ANAPC10: variants seen among roughly 807,000 people sequenced by gnomAD.
ANAPC10 encodes anaphase promoting complex subunit 10.
A neutral mutation model predicts 22.0 loss-of-function variants in ANAPC10; 12 were observed. The observed-to-expected ratio is 0.55, with a 90% CI of 0.35 to 0.88. The LOEUF is 0.88. Ranked by LOEUF, ANAPC10 falls within the 40% of genes least tolerant of loss-of-function variation. The probability of loss-of-function intolerance (pLI) is 0.01; values close to 1 mark genes in which losing one functional copy is unlikely to be tolerated. For synonymous variants in ANAPC10, 65 were observed against 69.5 expected (o/e 0.94, Z 0.32); for missense variants, 188 against 220.9 (o/e 0.85, Z 0.94).
intron 3 of ANAPC10, among the ~76,000 whole-genome samples, chr4:145,068,512 T>C (rs1234843904): frequency 6.6e-6 from 1 of 152,250 alleles, no homozygotes; most frequent in East Asian, 1.9e-4. Context: ...GCTAGATATA[T>C]TACCAGGAGG....
intron 4 of ANAPC10, among the ~76,000 whole-genome samples, chr4:145,048,067 G>A (rs1157291468): frequency 6.6e-6 from 1 of 152,118 alleles, no homozygotes; most frequent in Non-Finnish European, 1.5e-5. Context: ...GCTTATATCA[G>A]AAAGTAGGCT....
chr4:145,054,486 A>G (rs1253984306), intron 4 of ANAPC10, among the ~76,000 whole-genome samples: 12 of 149,276 alleles, frequency 8.0e-5, no homozygotes, highest in Non-Finnish European at 1.5e-4. Flanking sequence ...TGAACCCAGG[A>G]GGCAGAGCTT....
chr4:145,010,367 C>T lies in ANAPC10; in HGVS notation c.328-14764G>A, dbSNP rs143789228. Among the ~76,000 whole-genome samples the T allele has an allele frequency of 3.1e-3, 467 of 151,752 alleles. 4 individuals are homozygous for T. Among genetic ancestry groups the T allele is most frequent in the African/African-American group, 9.7e-3 (402 of 41,368 alleles). On this transcript the variant is annotated intron_variant, in intron 4 of 4. Coordinates refer to ENST00000507656, the MANE Select transcript of ANAPC10 (RefSeq NM_001256706.2). ...TAAATCAAGCTGCTATAAAGACACACGCACACTTATGTTTATTGTGGCACT... is the reference window on the plus strand; with the variant it reads ...TAAATCAAGCTGCTATAAAGACACATGCACACTTATGTTTATTGTGGCACT...
rs370274078 is a variant in ANAPC10 at position 145,077,373 on chromosome 4, C to T, written c.206+4287G>A. Among the ~76,000 whole-genome samples, 3 of 151,974 alleles carry T rather than the reference C, an allele frequency of 2.0e-5. No individual in the cohort carries two copies. The East Asian group carries it at 5.8e-4, about 29-fold the overall frequency. ...GGAAAATATATTTGAGGATACTGTC[C>T]ATGAAAATTTCCCCGATCTCGCTAA... On this transcript the variant is annotated intron_variant, in intron 3 of 4. Transcript: ENST00000507656.
At chr4:145,085,580 T>C (rs936204505) in intron 2 of ANAPC10, among the ~76,000 whole-genome samples, 1 of 152,120 alleles carries the variant, frequency 6.6e-6, no homozygotes, top group South Asian at 2.1e-4. Context: ...CAAATCTGAA[T>C]AATTTATTCA....
intron 2 of ANAPC10, among the ~76,000 whole-genome samples, chr4:145,083,487 A>T (rs1746400785): frequency 1.3e-5 from 2 of 152,132 alleles, no homozygotes; most frequent in Non-Finnish European, 2.9e-5. Context: ...CTTTAATTTG[A>T]TAAATATTGC....
intron 3 of ANAPC10, among the ~76,000 whole-genome samples, chr4:145,075,593 G>A (rs1323452532): frequency 6.6e-6 from 1 of 152,100 alleles, no homozygotes; most frequent in Non-Finnish European, 1.5e-5. Flanking sequence ...AGGGGAGTAA[G>A]CTAGGAACCG....
chr4:145,034,857 T>A (rs920607329), intron 4 of ANAPC10, among the ~76,000 whole-genome samples: 2 of 152,002 alleles, frequency 1.3e-5, no homozygotes, highest in Admixed American at 6.6e-5. Context: ...CCTGCTTTAG[T>A]GTCCCTGTTG....
chr4:145,038,622 C>T (rs549357586), intron 4 of ANAPC10, among the ~76,000 whole-genome samples: 180 of 152,048 alleles, frequency 1.2e-3, no homozygotes, highest in African/African-American at 3.9e-3. Context: ...GTCAGGAGTT[C>T]GAGACCAGCC....
intron 4 of ANAPC10, among the ~76,000 whole-genome samples, chr4:145,048,091 C>T (rs1014909207): frequency 2.6e-5 from 4 of 152,106 alleles, no homozygotes; most frequent in Non-Finnish European, 5.9e-5. Context: ...AGAGTCGAAT[C>T]AATTTTAGAA....
chr4:145,051,273 G>C (rs1016016258), intron 4 of ANAPC10, among the ~76,000 whole-genome samples: 2 of 152,194 alleles, frequency 1.3e-5, no homozygotes, highest in Non-Finnish European at 1.5e-5. Flanking sequence ...TGGTGGAGTA[G>C]TCAGAACACA....
At chr4:145,026,957 G>GTGTGTGTATATATA (rs1343774253) in intron 4 of ANAPC10, among the ~76,000 whole-genome samples, 2 of 18,350 alleles carry the variant, frequency 1.1e-4, no homozygotes, top group Non-Finnish European at 1.7e-4. Flanking sequence ...GTGTGTGTGT[G>GTGTGTGTATATATA]TATATATATA....
At chr4:145,094,278 G>A (rs1186527582) in intron 2 of ANAPC10, among the ~76,000 whole-genome samples, 1 of 152,170 alleles carries the variant, frequency 6.6e-6, no homozygotes, top group Non-Finnish European at 1.5e-5. Flanking sequence ...GGCATTCTGG[G>A]AAAGGCGAAA....
chr4:145,065,139 G>C (rs1271299308), intron 3 of ANAPC10, among the ~76,000 whole-genome samples: 1 of 151,920 alleles, frequency 6.6e-6, no homozygotes, highest in Non-Finnish European at 1.5e-5. Flanking sequence ...CCAGCAAAGA[G>C]AAAACTACCT....
intron 2 of ANAPC10, among the ~76,000 whole-genome samples, chr4:145,087,956 G>A (rs1233015368): frequency 1.3e-5 from 2 of 152,116 alleles, no homozygotes; most frequent in Non-Finnish European, 2.9e-5. Context: ...GCTAAGGCAG[G>A]AGAATCACTT....
chr4:145,016,867 G>A (rs1397920293), intron 4 of ANAPC10, among the ~76,000 whole-genome samples: 1 of 152,110 alleles, frequency 6.6e-6, no homozygotes, highest in African/African-American at 2.4e-5. Context: ...ACAAGAAATG[G>A]GGAAAGGATT....
At chr4:145,015,128 A>ATT (rs1734906053) in intron 4 of ANAPC10, among the ~76,000 whole-genome samples, 1 of 152,132 alleles carries the variant, frequency 6.6e-6, no homozygotes, top group African/African-American at 2.4e-5. Context: ...GAGGTTAGTT[A>ATT]TTAAGCTATT....
intron 4 of ANAPC10, among the ~76,000 whole-genome samples, chr4:145,002,733 T>C (rs551749808): frequency 2.2e-4 from 34 of 152,278 alleles, no homozygotes; most frequent in African/African-American, 8.2e-4. Context: ...CTGAAAAAAG[T>C]AAAACTATTT....
intron 3 of ANAPC10, among the ~76,000 whole-genome samples, chr4:145,065,247 T>C (rs564608253): frequency 1.3e-5 from 2 of 152,048 alleles, no homozygotes; most frequent in South Asian, 4.1e-4. Flanking sequence ...TTTTAAAATA[T>C]ACATATCCTA....
Sources: allele counts gnomAD v4.1 joint callset (sites outside exome capture counted in the v4.1 genomes callset), GRCh38; gene constraint gnomAD v4.1.1; transcripts MANE v1.5; gene names NCBI Gene and HGNC (gene_info 2026-07-23, HGNC 2026-07-21).